WWOX: variants seen among roughly 807,000 people sequenced by gnomAD.
WWOX encodes the protein WW domain containing oxidoreductase.
In WWOX, 69 loss-of-function variants were observed where a neutral mutation model predicts 46.2. The ratio of observed to expected loss-of-function variants is 1.49; its 90% confidence interval spans 1.23 to 1.82. The LOEUF is 1.82. Among genes scored for constraint, WWOX ranks in the 40% most tolerant of loss-of-function variants. The pLI, the probability that WWOX is intolerant of heterozygous loss-of-function variation, is 0.00. For synonymous variants in WWOX, 359 were observed against 202.6 expected (o/e 1.77, Z -6.56); for missense variants, 919 against 542.6 (o/e 1.69, Z -6.89).
intron 5 of WWOX, among the ~76,000 whole-genome samples, chr16:78,326,643 C>T (rs904599147): frequency 3.7e-5 from 5 of 134,098 alleles, no homozygotes; most frequent in Non-Finnish European, 7.6e-5. Flanking sequence ...GAACATAAAG[C>T]ATATTTTCTG....
At chr16:78,969,458 A>G (rs2046428255) in intron 8 of WWOX, among the ~76,000 whole-genome samples, 1 of 151,986 alleles carries the variant, frequency 6.6e-6, no homozygotes, top group Non-Finnish European at 1.5e-5. Context: ...TCTAGTACAG[A>G]CAGGGTTTCA....
In WWOX at chr16:78,261,263, GTAGATAGA is replaced by G. The variant is rs74864922; in HGVS notation, c.516+96989_516+96996del. Among the ~76,000 whole-genome samples, 85 of 148,092 alleles carry G rather than the reference GTAGATAGA, an allele frequency of 5.7e-4. 1 individual carries two copies. Among genetic ancestry groups the G allele is most frequent in the East Asian group, 2.2e-3 (11 of 5,090 alleles). Reference sequence around the variant, plus strand: ...ATGTAAGATTTTAATGTGTGGTAAGGTAGATAGATAGATAGATAGATACATACATACAT... The same window carrying G: ...ATGTAAGATTTTAATGTGTGGTAAGGTAGATAGATAGATACATACATACAT... On this transcript the variant is annotated intron_variant, in intron 5 of 8. Transcript: ENST00000566780.
At chr16:78,201,666 T>G (rs1268436001) in intron 5 of WWOX, among the ~76,000 whole-genome samples, 2 of 150,860 alleles carry the variant, frequency 1.3e-5, no homozygotes, top group Non-Finnish European at 2.9e-5. Context: ...TCACTGGGCA[T>G]TCCTTGGATT....
intron 8 of WWOX, among the ~76,000 whole-genome samples, chr16:78,464,266 C>G (rs2084020920): frequency 6.7e-6 from 1 of 149,416 alleles, no homozygotes; most frequent in Non-Finnish European, 1.5e-5. Context: ...TGGAGGATGA[C>G]AGGGAGATGG....
intron 5 of WWOX, among the ~76,000 whole-genome samples, chr16:78,240,744 C>G (rs566060851): frequency 6.6e-6 from 1 of 152,286 alleles, no homozygotes; most frequent in South Asian, 2.1e-4. Context: ...AAATATTTCA[C>G]AAGAACCTGC....
chr16:78,298,543 G>A (rs1187332317), intron 5 of WWOX, among the ~76,000 whole-genome samples: 3 of 152,122 alleles, frequency 2.0e-5, no homozygotes, highest in Admixed American at 6.5e-5. Flanking sequence ...TGTAATCCCC[G>A]CAGTTTGGGA....
intron 5 of WWOX, among the ~76,000 whole-genome samples, chr16:78,242,128 T>C (rs1380228269): frequency 6.6e-6 from 1 of 152,234 alleles, no homozygotes; most frequent in Non-Finnish European, 1.5e-5. Context: ...AACATAATTT[T>C]GGTAACTTTG....
chr16:78,437,065 C>T (rs1490182458), intron 8 of WWOX, among the ~76,000 whole-genome samples: 5 of 152,184 alleles, frequency 3.3e-5, no homozygotes, highest in African/African-American at 1.2e-4. Context: ...GAGGGTGCTT[C>T]CTTCTGACAC....
At chr16:78,819,291 T>C (rs1461297123) in intron 8 of WWOX, among the ~76,000 whole-genome samples, 1 of 152,118 alleles carries the variant, frequency 6.6e-6, no homozygotes, top group African/African-American at 2.4e-5. Flanking sequence ...CTCAACTCCA[T>C]AGACAGGGCT....
intron 5 of WWOX, among the ~76,000 whole-genome samples, chr16:78,321,189 A>G (rs1255749564): frequency 1.3e-5 from 2 of 151,776 alleles, no homozygotes; most frequent in African/African-American, 4.8e-5. Context: ...TCTTTCTGGA[A>G]CAGGAGTTTT....
At chr16:78,893,061 A>T (rs1156229166) in intron 8 of WWOX, among the ~76,000 whole-genome samples, 1 of 152,162 alleles carries the variant, frequency 6.6e-6, no homozygotes, top group African/African-American at 2.4e-5. Flanking sequence ...GTGAGGTCAG[A>T]GGAGCACTGG....
intron 8 of WWOX, among the ~76,000 whole-genome samples, chr16:78,952,575 G>T (rs1038418782): frequency 6.6e-6 from 1 of 151,912 alleles, no homozygotes; most frequent in African/African-American, 2.4e-5. Flanking sequence ...TAGAGACGGG[G>T]TTTCTGCCAT....
At chr16:78,532,853 C>G (rs533751466) in intron 8 of WWOX, among the ~76,000 whole-genome samples, 2 of 152,228 alleles carry the variant, frequency 1.3e-5, no homozygotes, top group African/African-American at 4.8e-5. Flanking sequence ...TGTGGGAATT[C>G]AAGAAGAGAT....
At chr16:79,102,745 A>G (rs2049227107) in intron 8 of WWOX, among the ~76,000 whole-genome samples, 1 of 152,184 alleles carries the variant, frequency 6.6e-6, no homozygotes, top group Non-Finnish European at 1.5e-5. Flanking sequence ...GCTAAAGGGT[A>G]CATGTTTAAA....
chr16:79,012,297 A>G (rs1032487407), intron 8 of WWOX, among the ~76,000 whole-genome samples: 2 of 151,982 alleles, frequency 1.3e-5, no homozygotes, highest in Admixed American at 1.3e-4. Flanking sequence ...CAGTGGTGCA[A>G]TCTCGACTCA....
intron 8 of WWOX, among the ~76,000 whole-genome samples, chr16:78,541,637 C>G (rs1314523858): frequency 6.6e-6 from 1 of 151,898 alleles, no homozygotes; most frequent in Non-Finnish European, 1.5e-5. Flanking sequence ...GACCTGGGAT[C>G]AAATCCCGCC....
At chr16:78,325,644 G>T (rs550432355) in intron 5 of WWOX, among the ~76,000 whole-genome samples, 3 of 152,188 alleles carry the variant, frequency 2.0e-5, no homozygotes, top group Non-Finnish European at 4.4e-5. Flanking sequence ...GGCCTTCTCC[G>T]TTTGGCAGCT....
intron 8 of WWOX, among the ~76,000 whole-genome samples, chr16:78,820,568 G>T (rs2051465840): frequency 6.6e-6 from 1 of 152,130 alleles, no homozygotes. Context: ...ATGAACTTAG[G>T]ATTAGTGTGG....
At chr16:78,302,291 A>G (rs904562049) in intron 5 of WWOX, among the ~76,000 whole-genome samples, 3 of 152,118 alleles carry the variant, frequency 2.0e-5, no homozygotes, top group African/African-American at 7.2e-5. Flanking sequence ...TGTTTTTCAT[A>G]TTCCCAAAGC....
Sources: gnomAD v4.1 joint callset for allele counts (sites outside exome capture counted in the v4.1 genomes callset) on GRCh38, gnomAD v4.1.1 for gene constraint, MANE v1.5 for transcripts, NCBI Gene and HGNC (gene_info 2026-07-23, HGNC 2026-07-21) for gene names.